The following ADAM9 variants were observed in gnomAD, a reference collection of about 807,000 sequenced individuals.
ADAM9 encodes the protein ADAM metallopeptidase domain 9.
ADAM9 carries 54 observed loss-of-function variants against 108.1 expected under a neutral mutation model. The ratio of observed to expected loss-of-function variants is 0.50; its 90% CI spans 0.40 to 0.63. ADAM9 has a LOEUF of 0.63. Among genes scored for constraint, ADAM9 ranks in the 20% least tolerant of loss-of-function variants. The pLI, the probability that ADAM9 is intolerant of heterozygous loss-of-function variation, is 0.00. For synonymous variants in ADAM9, 316 were observed against 336.0 expected (o/e 0.94, Z 0.65); for missense variants, 830 against 997.7 (o/e 0.83, Z 2.26).
chr8:39,093,384 T>C (rs765743720), intron 20 of ADAM9, among the ~76,000 whole-genome samples: 2 of 152,218 alleles, frequency 1.3e-5, no homozygotes, highest in Non-Finnish European at 2.9e-5. Context: ...CTGGATTTCT[T>C]TTTCAGATAG....
intron 15 of ADAM9, among the ~76,000 whole-genome samples, chr8:39,076,451 C>T (rs1838851825): frequency 6.6e-6 from 1 of 152,108 alleles, no homozygotes; most frequent in Non-Finnish European, 1.5e-5. Flanking sequence ...CTAGAATGGG[C>T]AGTTTCAGGA....
In ADAM9 at chr8:39,101,268, CT is replaced by C. The variant is rs543110277; in HGVS notation, c.2299-594del. Among the ~76,000 whole-genome samples, 449 of 152,296 alleles carry C rather than the reference CT, an allele frequency of 2.9e-3. 1 individual carries two copies. Among genetic ancestry groups the C allele is most frequent in the African/African-American group, 0.011 (437 of 41,574 alleles). ...ATAAATAAATACAGGTTGAGCACCC[CT>C]AATCTGAAAATCCAAAGTGCTCCAA... On this transcript the variant is annotated intron_variant, in intron 20 of 21. Coordinates refer to ENST00000487273, the MANE Select transcript of ADAM9 (RefSeq NM_003816.3).
chr8:39,002,709 C>T (rs1836040602), intron 1 of ADAM9, among the ~76,000 whole-genome samples: 1 of 152,176 alleles, frequency 6.6e-6, no homozygotes, highest in African/African-American at 2.4e-5. Context: ...AAACACACTA[C>T]AGTGTATAGA....
intron 2 of ADAM9, among the ~76,000 whole-genome samples, chr8:39,008,943 T>C (rs1272863412): frequency 6.6e-6 from 1 of 152,242 alleles, no homozygotes; most frequent in Non-Finnish European, 1.5e-5. Context: ...AATTTAACAA[T>C]GACAGGTAAT....
At chr8:39,021,885 A>G (rs1185325454) in intron 8 of ADAM9, among the ~76,000 whole-genome samples, 171 bp downstream of exon 8, 1 of 152,170 alleles carries the variant, frequency 6.6e-6, no homozygotes, top group Non-Finnish European at 1.5e-5. Flanking sequence ...TGTTTAAAGG[A>G]AAGTACCAGT....
At chr8:39,025,238 G>A (rs1399409103) in intron 9 of ADAM9, among the ~76,000 whole-genome samples, 1 of 152,088 alleles carries the variant, frequency 6.6e-6, no homozygotes, top group East Asian at 1.9e-4. Flanking sequence ...TTACAGATGT[G>A]CGCCACCATG....
chr8:39,091,217 G>A, intron 19 of ADAM9, 42 bp from the exon 20 acceptor site: 1 of 1,553,432 alleles, frequency 6.4e-7, no homozygotes, highest in Non-Finnish European at 8.9e-7. Context: ...ATGTAGAAAT[G>A]TTTTTATCTT....
At chr8:38,997,514 T>C (rs1346441247) in intron 1 of ADAM9, among the ~76,000 whole-genome samples, 3 of 152,154 alleles carry the variant, frequency 2.0e-5, no homozygotes, top group African/African-American at 7.2e-5. Flanking sequence ...GCCGGAGCCC[T>C]GCAGGCTGGG....
intron 14 of ADAM9, among the ~76,000 whole-genome samples, chr8:39,066,697 A>G (rs1838489104): frequency 6.6e-6 from 1 of 152,190 alleles, no homozygotes; most frequent in Non-Finnish European, 1.5e-5. Flanking sequence ...CTCATTTTGT[A>G]GGTTGCCTGT....
chr8:39,044,000 C>G (rs1018743050), intron 12 of ADAM9, among the ~76,000 whole-genome samples: 2 of 152,080 alleles, frequency 1.3e-5, no homozygotes, highest in Admixed American at 6.6e-5. Flanking sequence ...AAAGTTTACC[C>G]CTTATGGTTT....
At chr8:39,098,351 T>C (rs1195281264) in intron 20 of ADAM9, among the ~76,000 whole-genome samples, 1 of 152,256 alleles carries the variant, frequency 6.6e-6, no homozygotes, top group African/African-American at 2.4e-5. Flanking sequence ...ATTATTTCTT[T>C]ATTGCCTCTG....
intron 11 of ADAM9, 125 bp from the exon 12 acceptor site, chr8:39,041,821 C>A: frequency 1.2e-6 from 1 of 815,524 alleles, no homozygotes; most frequent in Non-Finnish European, 2.0e-6. Flanking sequence ...TCATTTCTGT[C>A]CACTTTTATT....
chr8:39,043,146 AT>A (rs979161510), intron 12 of ADAM9, among the ~76,000 whole-genome samples: 4 of 152,074 alleles, frequency 2.6e-5, no homozygotes, highest in African/African-American at 4.8e-5. Flanking sequence ...ATATGTATGT[AT>A]GTATGTACAT....
intron 14 of ADAM9, among the ~76,000 whole-genome samples, chr8:39,056,088 T>G (rs928780971): frequency 1.3e-5 from 2 of 152,136 alleles, no homozygotes; most frequent in African/African-American, 4.8e-5. Context: ...ACTCAGAATT[T>G]TCTTGAAATT....
At chr8:39,052,164 A>G (rs1367053294) in intron 12 of ADAM9, among the ~76,000 whole-genome samples, 1 of 152,132 alleles carries the variant, frequency 6.6e-6, no homozygotes, top group African/African-American at 2.4e-5. Flanking sequence ...AGCACAGGAT[A>G]ATATGTTTTC....
In ADAM9 at chr8:39,045,018, A is replaced by G. The variant is rs537184455; in HGVS notation, c.1302+2901A>G. On this transcript the variant is annotated intron_variant, in intron 12 of 21. Coordinates refer to ENST00000487273, the MANE Select transcript of ADAM9 (RefSeq NM_003816.3). ...TGTGCACACATACCTATGTATGTGT[A>G]TGTGTGTGTGCATACATACATATGT... Among the ~76,000 whole-genome samples the G allele has an allele frequency of 1.1e-3, 108 of 97,708 alleles. 4 individuals carry two copies. Among genetic ancestry groups the G allele is most frequent in the Non-Finnish European group, 1.3e-3 (64 of 48,184 alleles). 64.1% of individuals were successfully genotyped at this position (97,708 alleles called of 152,430 possible).
chr8:39,044,956 A>G (rs148854545), intron 12 of ADAM9, among the ~76,000 whole-genome samples: 1,741 of 134,914 alleles, frequency 0.013, 168 homozygotes, highest in African/African-American at 0.052. Flanking sequence ...GTATGTGTAT[A>G]TGTGTGTGCA....
chr8:39,004,294 G>T (rs1168118831), intron 1 of ADAM9, among the ~76,000 whole-genome samples: 1 of 151,522 alleles, frequency 6.6e-6, no homozygotes, highest in Non-Finnish European at 1.5e-5. Context: ...GCTCACTGCA[G>T]CCTTGATCTC....
chr8:39,045,796 T>A (rs113418957), intron 12 of ADAM9, among the ~76,000 whole-genome samples: 1,810 of 152,212 alleles, frequency 0.012, 29 homozygotes, highest in African/African-American at 0.041. Flanking sequence ...TTTATACTGT[T>A]TTCCATAGAG....
Sources: allele counts gnomAD v4.1 joint callset (sites outside exome capture counted in the v4.1 genomes callset), GRCh38; gene constraint gnomAD v4.1.1; transcripts MANE v1.5; gene names NCBI Gene and HGNC (gene_info 2026-07-23, HGNC 2026-07-21).